NINL: variants seen among roughly 807,000 people sequenced by gnomAD.
The protein encoded by NINL is ninein like.
Under a neutral mutation model 160.3 loss-of-function variants are expected in NINL, and 153 were observed. The observed-to-expected ratio is 0.95, with a 90% CI of 0.84 to 1.09. NINL has a LOEUF of 1.09. Among genes scored for constraint, NINL ranks in the 50% least tolerant of loss-of-function variants. The probability of loss-of-function intolerance (pLI) is 0.00; values close to 1 mark genes in which losing one functional copy is unlikely to be tolerated. For synonymous variants in NINL, 800 were observed against 734.8 expected (o/e 1.09, Z -1.43); for missense variants, 1,829 against 1,764.0 (o/e 1.04, Z -0.66).
At chr20:25,583,268 A>C (rs1333323507) in intron 1 of NINL, among the ~76,000 whole-genome samples, 1 of 152,234 alleles carries the variant, frequency 6.6e-6, no homozygotes, top group African/African-American at 2.4e-5. Flanking sequence ...GAACTTAAAC[A>C]AATTTACAAG....
At chr20:25,456,547 CA>C (rs1191383116) in intron 22 of NINL, among the ~76,000 whole-genome samples, 11 of 134,306 alleles carry the variant, frequency 8.2e-5, no homozygotes, top group South Asian at 2.3e-4. Context: ...GACTCCGTCT[CA>C]AAAAAAAAAC....
At chr20:25,561,791 G>C (rs1392405088) in intron 1 of NINL, among the ~76,000 whole-genome samples, 1 of 150,144 alleles carries the variant, frequency 6.7e-6, no homozygotes, top group Admixed American at 6.6e-5. Context: ...GAGACCCTCC[G>C]CCTGGCAACC....
chr20:25,494,543 C>G (rs1351119485), intron 10 of NINL, among the ~76,000 whole-genome samples: 1 of 152,234 alleles, frequency 6.6e-6, no homozygotes, highest in African/African-American at 2.4e-5. Context: ...ACATGTAGAT[C>G]TGGACCTGCT....
At chr20:25,490,893 G>A (rs1037036748) in intron 11 of NINL, among the ~76,000 whole-genome samples, 6 of 152,168 alleles carry the variant, frequency 3.9e-5, no homozygotes, top group South Asian at 2.1e-4. Context: ...GTCCCGCTGC[G>A]ATGCCTCACT....
intron 19 of NINL, among the ~76,000 whole-genome samples, chr20:25,465,423 T>A (rs934936970): frequency 3.9e-5 from 6 of 152,118 alleles, no homozygotes; most frequent in African/African-American, 1.4e-4. Flanking sequence ...AGGGACTCAG[T>A]GGGAATAACG....
chr20:25,562,108 G>A (rs1282843281), intron 1 of NINL, among the ~76,000 whole-genome samples: 25 of 143,944 alleles, frequency 1.7e-4, no homozygotes, highest in South Asian at 1.3e-3. Context: ...CAGCCGCCCC[G>A]TCCGGGAGGG....
At chr20:25,562,125 G>T (rs1291243131) in intron 1 of NINL, among the ~76,000 whole-genome samples, 1 of 148,128 alleles carries the variant, frequency 6.8e-6, no homozygotes, top group Non-Finnish European at 1.5e-5. Context: ...AGGGAGGTGG[G>T]GGTGTCAGCC....
intron 1 of NINL, among the ~76,000 whole-genome samples, chr20:25,554,505 C>G (rs1271356704): frequency 6.6e-6 from 1 of 151,944 alleles, no homozygotes; most frequent in African/African-American, 2.4e-5. Context: ...ATGGCTGTAG[C>G]CAGGTGCAGT....
intron 1 of NINL, among the ~76,000 whole-genome samples, chr20:25,553,057 C>T (rs2064823634): frequency 6.6e-6 from 1 of 151,414 alleles, no homozygotes; most frequent in Non-Finnish European, 1.5e-5. Context: ...TGTGGCCCTC[C>T]ACTTCAGACC....
At position 25,482,211 on chromosome 20, in the gene NINL, T is replaced by TGA. The variant is rs938565384; in HGVS notation, c.1678-113_1678-112dup. Reference sequence around the variant, plus strand: ...CTTGCAGGTGAGGTGCACTGTGAGGTGAGGGCCTGTTGCTTCCCAGCTTCC... The same window carrying TGA: ...CTTGCAGGTGAGGTGCACTGTGAGGTGAGAGGGCCTGTTGCTTCCCAGCTTCC... On this transcript the variant is annotated intron_variant, in intron 13 of 23. Transcript: ENST00000278886. 2.7e-5 allele frequency: 33 copies of TGA among 1,237,814 alleles called. No individual in the cohort carries two copies. The African/African-American group carries it at 4.7e-4, about 18-fold the overall frequency. The allele number at this position is 1,237,814 out of a possible 1,614,324, so 76.7% of individuals were successfully genotyped here.
Position 25,476,436 on chromosome 20 carries a change from T to TG in NINL, c.2854dup (p.Gln952ProfsTer22). 1 of 1,609,218 alleles carries TG rather than the reference T, an allele frequency of 6.2e-7. No individual in the cohort carries two copies. Among genetic ancestry groups the TG allele is most frequent in the Non-Finnish European group, 8.5e-7 (1 of 1,179,862 alleles). ...TGGCTCCCACATCCGTGGCTGGGTT[T>TG]GCGAGGCGTCTCTCTCTGTTCCCAG... On this transcript the variant is annotated frameshift_variant, in exon 17 of 24. Transcript: ENST00000278886. LOFTEE classifies it high-confidence loss of function.
rs541293258 is a variant in NINL, at chr20:25,491,311, C to T, written c.1485+40G>A. On this transcript the variant is annotated intron_variant, in intron 11 of 23. Coordinates refer to ENST00000278886, the MANE Select transcript of NINL (RefSeq NM_025176.6). ...GACGTGGGTGTGGGGAATGCTCAGGCACCCCCCCAGCTTCCTGGATGCCCT... is the reference window on the plus strand; with the variant it reads ...GACGTGGGTGTGGGGAATGCTCAGGTACCCCCCCAGCTTCCTGGATGCCCT... The T allele has an allele frequency of 9.1e-5, 143 of 1,571,314 alleles. 2 individuals are homozygous for T. In the South Asian group the frequency reaches 1.5e-3, roughly 16 times the overall value.
At chr20:25,457,349 AT>A (rs1259710079) in intron 22 of NINL, among the ~76,000 whole-genome samples, 1 of 151,786 alleles carries the variant, frequency 6.6e-6, no homozygotes, top group Non-Finnish European at 1.5e-5. Flanking sequence ...CAAAACAAAA[AT>A]ATGTTCTGGC....
At position 25,512,861 on chromosome 20, in the gene NINL, C is replaced by A; in HGVS notation, c.423G>T (p.Trp141Cys). The A allele has an allele frequency of 6.2e-7, 1 of 1,614,004 alleles. No homozygotes were observed. The highest frequency in any genetic ancestry group is 8.5e-7 in the Non-Finnish European group (1 of 1,179,910). The change falls in exon 4 of 24, where the codon TGG (tryptophan) becomes TGT (cysteine). Residue 141 changes from tryptophan to cysteine, a missense_variant. Physicochemically the swap from Trp to Cys is radical, Grantham distance 215. Coordinates refer to ENST00000278886, the MANE Select transcript of NINL (RefSeq NM_025176.6). ...CCACGCTCTCCAGAGACGCTGAGCG[C>A]CAGAGGTGACTTTTCAGGCTGGCCT... ...QTQASLKSHLWRSASLESVES... is the reference protein window; with the variant it reads ...QTQASLKSHLCRSASLESVES...
At chr20:25,546,239 T>C (rs1165476365) in intron 1 of NINL, among the ~76,000 whole-genome samples, 5 of 152,194 alleles carry the variant, frequency 3.3e-5, no homozygotes, top group Admixed American at 6.5e-5. Flanking sequence ...CTTCACAGCA[T>C]ACACTTGAGT....
intron 1 of NINL, among the ~76,000 whole-genome samples, chr20:25,558,000 G>A (rs1450006202): frequency 2.0e-5 from 3 of 150,948 alleles, no homozygotes; most frequent in Non-Finnish European, 2.9e-5. Context: ...AATGAGCCAG[G>A]TATGGTGGCA....
chr20:25,528,329 C>G (rs1234378715), intron 1 of NINL, among the ~76,000 whole-genome samples: 4 of 152,044 alleles, frequency 2.6e-5, no homozygotes, highest in Non-Finnish European at 5.9e-5. Context: ...GCCACTGCAC[C>G]CAGCCAAAAT....
At position 25,491,518 on chromosome 20, in the gene NINL, C is replaced by T; in HGVS notation, c.1318G>A (p.Glu440Lys). 1.2e-6 allele frequency: 2 copies of T among 1,613,608 alleles called. No individual in the cohort carries two copies. The highest frequency in any genetic ancestry group is 1.7e-6 in the Non-Finnish European group (2 of 1,179,734). Residue 440 changes from glutamate (E) to lysine (K), a missense_variant, in exon 11 of 24, where the codon GAG becomes AAG. By Grantham distance (56) the Glu-to-Lys change is moderately conservative. Coordinates refer to ENST00000278886, the MANE Select transcript of NINL (RefSeq NM_025176.6). ...CTCAGCCTTTCCCGGTACCCCTGCT[C>T]CAGATGCCTGTAACATGTCACACAT... Reference protein sequence around the residue: ...QLTEKKIKHLEQGYRERLSLL... With the variant: ...QLTEKKIKHLKQGYRERLSLL...
intron 19 of NINL, among the ~76,000 whole-genome samples, chr20:25,464,743 A>G (rs1427290172): frequency 1.3e-5 from 2 of 152,196 alleles, no homozygotes; most frequent in African/African-American, 4.8e-5. Flanking sequence ...TTCCCGGCAC[A>G]GGATCAGCTG....
Sources: gnomAD v4.1 joint callset for allele counts (sites outside exome capture counted in the v4.1 genomes callset) on GRCh38, gnomAD v4.1.1 for gene constraint, MANE v1.5 for transcripts, NCBI Gene and HGNC (gene_info 2026-07-23, HGNC 2026-07-21) for gene names.